The following SOX6 variants were observed in gnomAD, a reference collection of about 807,000 sequenced individuals.
The protein encoded by SOX6 is transcription factor SOX-6.
Under a neutral mutation model 97.8 loss-of-function variants are expected in SOX6, and 11 were observed. The ratio of observed to expected loss-of-function variants is 0.11; its 90% CI spans 0.07 to 0.19. The LOEUF is 0.19. Ranked by LOEUF, SOX6 falls within the 10% of genes least tolerant of loss-of-function variation. The pLI is 1.00. For missense variants in SOX6, 810 were observed against 1,039.5 expected (o/e 0.78, Z 3.04); for synonymous variants, 360 against 371.4 (o/e 0.97, Z 0.35).
intron 4 of SOX6, among the ~76,000 whole-genome samples, chr11:16,578,490 T>C (rs1002440819): frequency 1.3e-5 from 2 of 152,154 alleles, no homozygotes; most frequent in Non-Finnish European, 2.9e-5. Context: ...AGTGAAAAGA[T>C]TGGGCTAGAT....
chr11:16,633,425 G>A (rs1040413214), intron 3 of SOX6, among the ~76,000 whole-genome samples: 3 of 152,138 alleles, frequency 2.0e-5, no homozygotes, highest in African/African-American at 7.2e-5. Context: ...AAGTAAACTC[G>A]TAACAGGACC....
At chr11:16,520,974 G>A (rs998620439) in intron 4 of SOX6, among the ~76,000 whole-genome samples, 62 of 152,300 alleles carry the variant, frequency 4.1e-4, no homozygotes, top group Middle Eastern at 3.4e-3. Context: ...CAAAGCAGCC[G>A]GGAAGCTCGA....
intron 9 of SOX6, among the ~76,000 whole-genome samples, chr11:16,060,585 T>C (rs1050846607): frequency 2.0e-5 from 3 of 151,950 alleles, no homozygotes; most frequent in Non-Finnish European, 2.9e-5. Flanking sequence ...TAAATATCAT[T>C]CTATTCAGAT....
At chr11:16,728,877 G>A (rs578106388) in intron 2 of SOX6, among the ~76,000 whole-genome samples, 112 of 152,300 alleles carry the variant, frequency 7.4e-4, no homozygotes, top group African/African-American at 2.6e-3. Context: ...CCAGTTTAGA[G>A]ATGAACATAA....
chr11:16,035,834 A>G (rs1046541753), intron 12 of SOX6, among the ~76,000 whole-genome samples: 3 of 152,158 alleles, frequency 2.0e-5, no homozygotes, highest in African/African-American at 7.2e-5. Flanking sequence ...CTAAGACTGA[A>G]TTTAGCACTT....
At chr11:16,314,499 T>C (rs577234703) in intron 3 of SOX6, 23 of 152,318 alleles carry the variant, frequency 1.5e-4, no homozygotes, top group African/African-American at 5.0e-4. Context: ...CTTATATCTC[T>C]TACTGGAATA....
intron 4 of SOX6, among the ~76,000 whole-genome samples, chr11:16,608,269 T>C (rs1848358669): frequency 6.6e-6 from 1 of 151,022 alleles, no homozygotes; most frequent in Admixed American, 6.6e-5. Context: ...TAAAGGAAAA[T>C]GTATGAATGG....
chr11:16,473,689 C>T, intron 1 of SOX6, among the ~76,000 whole-genome samples: 1 of 151,734 alleles, frequency 6.6e-6, no homozygotes, highest in East Asian at 1.9e-4. Flanking sequence ...GTAGCTGGGA[C>T]TACAGGCATG....
At chr11:16,590,393 G>A (rs1237089057) in intron 4 of SOX6, among the ~76,000 whole-genome samples, 1 of 152,102 alleles carries the variant, frequency 6.6e-6, no homozygotes, top group Non-Finnish European at 1.5e-5. Context: ...TGAACCCACT[G>A]GTGAAGTGGT....
intron 10 of SOX6, among the ~76,000 whole-genome samples, chr11:16,054,024 T>C (rs2133918890): frequency 6.6e-6 from 1 of 152,262 alleles, no homozygotes; most frequent in East Asian, 1.9e-4. Flanking sequence ...ACATAGAATA[T>C]GGTCAAGTCA....
Position 16,515,292 on chromosome 11 carries a change from G to A in SOX6, n.610-38904C>T, listed in dbSNP as rs537737443. The stretch of plus-strand genomic sequence containing the variant: ...TGGTTTTGATTTGCATTTCTCTGAT[G>A]GCCAGTGATTATGAGCATTTTTTCA... On this transcript the variant is annotated intron_variant and non_coding_transcript_variant, in intron 4 of 5. Transcript: ENST00000524520. Among the ~76,000 whole-genome samples the A allele has an allele frequency of 3.0e-3, 457 of 152,072 alleles. 2 individuals carry two copies. The highest frequency in any genetic ancestry group is 0.014 in the Middle Eastern group (4 of 294).
chr11:16,103,387 A>T (rs895867892), intron 7 of SOX6, among the ~76,000 whole-genome samples: 31 of 152,044 alleles, frequency 2.0e-4, no homozygotes, highest in African/African-American at 7.2e-4. Context: ...ACTGGCGTGG[A>T]TGTGGTGAAA....
chr11:16,043,634 T>C (rs1329079635), intron 12 of SOX6, among the ~76,000 whole-genome samples: 1 of 152,180 alleles, frequency 6.6e-6, no homozygotes, highest in Non-Finnish European at 1.5e-5. Flanking sequence ...TGTTAGTAAG[T>C]GTTGGCCCAC....
chr11:16,016,935 A>T (rs1854903743), intron 12 of SOX6, among the ~76,000 whole-genome samples: 1 of 152,168 alleles, frequency 6.6e-6, no homozygotes, highest in East Asian at 1.9e-4. Flanking sequence ...GCTATCTATC[A>T]ATATGCATAT....
intron 9 of SOX6, among the ~76,000 whole-genome samples, chr11:16,091,934 A>C (rs2133968700): frequency 6.6e-6 from 1 of 152,210 alleles, no homozygotes; most frequent in East Asian, 1.9e-4. Flanking sequence ...TGCTAGACAA[A>C]AATCATTCTC....
Position 16,202,185 on chromosome 11 carries a change from G to A in SOX6, c.536-15230C>T, listed in dbSNP as rs1022293501. ...ATTTTAATTTTTATATTAAGCACAT[G>A]TTCAACTCTTATACGATGAAAATAC... On this transcript the variant is annotated intron_variant, in intron 4 of 15. Transcript: ENST00000683767. 1.3e-5 allele frequency among the ~76,000 whole-genome samples: 2 copies of A among 151,964 alleles called. 1 individual carries two copies. The highest frequency in any genetic ancestry group is 4.1e-4 in the South Asian group (2 of 4,824).
At chr11:16,120,102 TTC>T (rs1163268626) in intron 6 of SOX6, among the ~76,000 whole-genome samples, 8 of 151,390 alleles carry the variant, frequency 5.3e-5, no homozygotes, top group African/African-American at 1.2e-4. Flanking sequence ...TGGCAGGTTA[TTC>T]TCTCTCCCCC....
At chr11:16,269,695 T>C (rs1403768072) in intron 3 of SOX6, among the ~76,000 whole-genome samples, 1 of 151,206 alleles carries the variant, frequency 6.6e-6, no homozygotes, top group Admixed American at 6.6e-5. Context: ...ATCTTCTTTG[T>C]TGCTACGGCA....
intron 9 of SOX6, among the ~76,000 whole-genome samples, chr11:16,056,397 A>G (rs1847815881): frequency 3.3e-5 from 5 of 152,154 alleles, no homozygotes; most frequent in Admixed American, 2.6e-4. Context: ...CTTCTGAATA[A>G]TGAGTGCTGT....
Sources: allele counts gnomAD v4.1 joint callset (sites outside exome capture counted in the v4.1 genomes callset), GRCh38; gene constraint gnomAD v4.1.1; transcripts MANE v1.5; gene names NCBI Gene and HGNC (gene_info 2026-07-23, HGNC 2026-07-21).